NAA50: variants seen among roughly 807,000 people sequenced by gnomAD.
NAA50 encodes N-alpha-acetyltransferase 50, NatE catalytic subunit, also known as N-alpha-acetyltransferase 50.
NAA50 carries 7 observed loss-of-function variants against 20.7 expected under a neutral mutation model. The ratio of observed to expected loss-of-function variants is 0.34; its 90% CI spans 0.19 to 0.63. The LOEUF is 0.63. NAA50 is among the 30% of genes least tolerant of loss of function. NAA50 has a pLI of 0.75. For synonymous variants in NAA50, 54 were observed against 70.6 expected (o/e 0.77, Z 1.18); for missense variants, 111 against 199.1 (o/e 0.56, Z 2.66).
Position 113,720,968 on chromosome 3 carries a change from G to T in NAA50, c.*792C>A, listed in dbSNP as rs772085515. The T allele has an allele frequency of 6.6e-6, 1 of 152,052 alleles. No homozygotes were observed. Among genetic ancestry groups the T allele is most frequent in the African/African-American group, 2.4e-5 (1 of 41,242 alleles). The allele number at this position is 152,052 out of a possible 1,614,324, so 9.4% of individuals were successfully genotyped here. A position where few individuals can be genotyped will look rare whatever the true frequency, so the allele number is the denominator to read the frequency against. On this transcript the variant is annotated 3_prime_UTR_variant, in exon 5 of 5. Transcript: ENST00000240922. ...ATTAAATCACAACACACCTCTTTAG[G>T]TCAGTTAAAGGCCATATCTCTAGCT...
chr3:113,720,302 G>A lies in NAA50; in HGVS notation c.*1458C>T, dbSNP rs948513283. ...CAATTTTACATAAGAGGATAAATAT[G>A]AATGAAACTTCCTTTTAAAGTCAAA... On this transcript the variant is annotated 3_prime_UTR_variant, in exon 5 of 5. Coordinates refer to ENST00000240922, the MANE Select transcript of NAA50 (RefSeq NM_025146.4). 2.0e-5 allele frequency: 3 copies of A among 152,332 alleles called. No individual in the cohort carries two copies. Among genetic ancestry groups the A allele is most frequent in the African/African-American group, 7.2e-5 (3 of 41,450 alleles). 9.4% of individuals were successfully genotyped at this position (152,332 alleles called of 1,614,324 possible).
intron 3 of NAA50, among the ~76,000 whole-genome samples, 154 bp downstream of exon 3, chr3:113,723,268 T>C (rs1405153534): frequency 1.3e-5 from 2 of 152,140 alleles, no homozygotes; most frequent in Non-Finnish European, 2.9e-5. Flanking sequence ...ATTATGTTAA[T>C]AAACACTAGT....
chr3:113,736,454 C>T (rs1338088931), intron 1 of NAA50, among the ~76,000 whole-genome samples: 1 of 152,198 alleles, frequency 6.6e-6, no homozygotes, highest in Non-Finnish European at 1.5e-5. Flanking sequence ...ATTTCACGTA[C>T]ATAACTTCTG....
chr3:113,729,061 T>C (rs755882820), intron 1 of NAA50, among the ~76,000 whole-genome samples: 3 of 151,814 alleles, frequency 2.0e-5, no homozygotes, highest in African/African-American at 7.3e-5. Flanking sequence ...TCTCAGCTTA[T>C]TGCAACCTCC....
At chr3:113,743,840 T>C (rs1219373535) in intron 1 of NAA50, among the ~76,000 whole-genome samples, 2 of 152,248 alleles carry the variant, frequency 1.3e-5, no homozygotes, top group Non-Finnish European at 2.9e-5. Context: ...TCAGGTTACA[T>C]GTAAATACCC....
chr3:113,723,471 A>C lies in NAA50; in HGVS notation c.216T>G (p.Leu72=), dbSNP rs143145717. Residue 72 remains leucine (L), a synonymous_variant, in exon 3 of 5, where the codon CTT becomes CTG. Transcript: ENST00000240922. ...RVDHSQNQKR[L]YIMTLGCLAP... ...CCAGACATCCTAGTGTCATGATGTA[A>C]AGTCTCTTCTGATTCTGTGAATGAT... The C allele has an allele frequency of 1.5e-5, 25 of 1,613,070 alleles. No homozygotes were observed. Among genetic ancestry groups the C allele is most frequent in the East Asian group, 1.3e-4 (6 of 44,818 alleles).
intron 1 of NAA50, chr3:113,724,616 T>C (rs1042622302): frequency 6.6e-6 from 1 of 152,200 alleles, no homozygotes; most frequent in African/African-American, 2.4e-5. Flanking sequence ...CCAGAGTTGC[T>C]GGAAACGAAA....
chr3:113,735,069 T>C (rs187768732), intron 1 of NAA50, among the ~76,000 whole-genome samples: 656 of 152,344 alleles, frequency 4.3e-3, no homozygotes, highest in Middle Eastern at 0.01. Context: ...ATTCATAGCA[T>C]ATAACCTTTG....
chr3:113,745,881 C>A, intron 1 of NAA50, 61 bp downstream of exon 1: 1 of 1,571,798 alleles, frequency 6.4e-7, no homozygotes, highest in East Asian at 2.4e-5. Flanking sequence ...CTCTCCCCCT[C>A]TACATGGGCC....
intron 2 of NAA50, 21 bp downstream of exon 2, chr3:113,723,937 CA>C (rs759015612): frequency 1.4e-3 from 1,739 of 1,273,188 alleles, no homozygotes; most frequent in South Asian, 4.5e-3. Context: ...GAAGGGAGGA[CA>C]AAAAAAAAAC....
intron 4 of NAA50, 57 bp from the exon 5 acceptor site, chr3:113,721,994 A>T: frequency 6.6e-7 from 1 of 1,513,214 alleles, no homozygotes; most frequent in Non-Finnish European, 9.0e-7. Flanking sequence ...ATCAAGTTTT[A>T]AGCATTCTCC....
intron 1 of NAA50, among the ~76,000 whole-genome samples, chr3:113,741,840 C>G (rs1708421007): frequency 1.3e-5 from 2 of 152,176 alleles, no homozygotes; most frequent in African/African-American, 2.4e-5. Context: ...ACAATGCACA[C>G]AACTGTATAG....
Position 113,720,937 on chromosome 3 carries a change from G to GA in NAA50, c.*822dup, listed in dbSNP as rs1414823399. 6.6e-6 allele frequency: 1 copy of GA among 152,330 alleles called. No individual in the cohort carries two copies. Among genetic ancestry groups the GA allele is most frequent in the Admixed American group, 6.6e-5 (1 of 15,230 alleles). 9.4% of individuals were successfully genotyped at this position (152,330 alleles called of 1,614,324 possible). A position where few individuals can be genotyped will look rare whatever the true frequency, so the allele number is the denominator to read the frequency against. ...GGGTTTACTGAAGAAAAAGGAACGGGAAAAAATTAAATCACAACACACCTC... is the reference window on the plus strand; with the variant it reads ...GGGTTTACTGAAGAAAAAGGAACGGGAAAAAAATTAAATCACAACACACCTC... On this transcript the variant is annotated 3_prime_UTR_variant, in exon 5 of 5. Transcript: ENST00000240922.
chr3:113,726,243 AG>A (rs35596108), intron 1 of NAA50, among the ~76,000 whole-genome samples: 2 of 152,172 alleles, frequency 1.3e-5, no homozygotes, highest in Non-Finnish European at 2.9e-5. Context: ...TCAGCACCAT[AG>A]GAAGTTTAAA....
chr3:113,720,276 G>C lies in NAA50; in HGVS notation c.*1484C>G, dbSNP rs146980042. The C allele has an allele frequency of 6.6e-6, 1 of 152,274 alleles. No homozygotes were observed. The highest frequency in any genetic ancestry group is 1.5e-5 in the Non-Finnish European group (1 of 68,010). The allele number at this position is 152,274 out of a possible 1,614,324, so 9.4% of individuals were successfully genotyped here. A position where few individuals can be genotyped will look rare whatever the true frequency, so the allele number is the denominator to read the frequency against. ...ATATTTGGAAATGAGACTTTATACC[G>C]CAATTTTACATAAGAGGATAAATAT... On this transcript the variant is annotated 3_prime_UTR_variant, in exon 5 of 5. Coordinates refer to ENST00000240922, the MANE Select transcript of NAA50 (RefSeq NM_025146.4).
In NAA50 at chr3:113,721,968, T is replaced by A. The variant is rs376427666; in HGVS notation, c.333-31A>T. The A allele has an allele frequency of 3.1e-5, 49 of 1,587,592 alleles. 2 individuals are homozygous for A. The South Asian group carries it at 4.3e-4, about 14-fold the overall frequency. On this transcript the variant is annotated intron_variant, in intron 4 of 4. Transcript: ENST00000240922. ...ATATAAGAGAGTATCAGAAAAAAAA[T>A]TAAAATTAAGGTTTCATCAAGTTTT...
Position 113,745,924 on chromosome 3 carries a change from C to T in NAA50, c.8+18G>A. On this transcript the variant is annotated intron_variant, in intron 1 of 4. Transcript: ENST00000240922. ...TTCTACCCCACCGGCCGGGCCCTGC[C>T]CGGCTGCCCTTCCTCACCCTTTCAT... is the stretch of plus-strand genomic sequence containing the variant. The T allele has an allele frequency of 6.2e-7, 1 of 1,604,718 alleles. No homozygotes were observed. Among genetic ancestry groups the T allele is most frequent in the Non-Finnish European group, 8.5e-7 (1 of 1,178,848 alleles).
chr3:113,717,951 T>G lies in NAA50; in HGVS notation c.*3809A>C, dbSNP rs1708080675. 6.6e-6 allele frequency: 1 copy of G among 152,304 alleles called. No homozygotes were observed. The highest frequency in any genetic ancestry group is 2.1e-4 in the South Asian group (1 of 4,822). 9.4% of individuals were successfully genotyped at this position (152,304 alleles called of 1,614,324 possible). On this transcript the variant is annotated 3_prime_UTR_variant, in exon 5 of 5. Transcript: ENST00000240922. ...GCCAGTCTCCTAGAGGGCCCAATGA[T>G]ATCCACCTCCCAGTATTCACATCCT...
rs1267949975 is a variant in NAA50 at position 113,716,892 on chromosome 3, T to C, written c.*4868A>G. 1.3e-5 allele frequency: 2 copies of C among 152,220 alleles called. No individual in the cohort carries two copies. The highest frequency in any genetic ancestry group is 2.9e-5 in the Non-Finnish European group (2 of 68,040). The allele number at this position is 152,220 out of a possible 1,614,324, so 9.4% of individuals were successfully genotyped here. ...ACAAATTTAAAAAGGTAATAATTCT[T>C]CTAGATCTCAACTCTAGGCTGTTAA... On this transcript the variant is annotated 3_prime_UTR_variant, in exon 5 of 5. Transcript: ENST00000240922.
Sources: gnomAD v4.1 joint callset for allele counts (sites outside exome capture counted in the v4.1 genomes callset) on GRCh38, gnomAD v4.1.1 for gene constraint, MANE v1.5 for transcripts, NCBI Gene and HGNC (gene_info 2026-07-23, HGNC 2026-07-21) for gene names.